Variants in FMN1 observed in about 807,000 individuals in gnomAD.
FMN1 encodes the protein formin-1.
Under a neutral mutation model 132.4 loss-of-function variants are expected in FMN1, and 110 were observed. That is an observed-to-expected ratio of 0.83 (90% confidence interval 0.71 to 0.97). The LOEUF is 0.97. Among genes scored for constraint, FMN1 ranks in the 50% least tolerant of loss-of-function variants. The pLI is 0.00. For synonymous variants in FMN1, 722 were observed against 651.7 expected, an observed-to-expected ratio of 1.11 and a Z score of -1.64; for missense variants, 1,792 against 1,705.3, an observed-to-expected ratio of 1.05 and a Z score of -0.90.
intron 2 of FMN1, among the ~76,000 whole-genome samples, chr15:33,186,990 A>G (rs139173162): frequency 2.4e-3 from 363 of 152,184 alleles, no homozygotes; most frequent in African/African-American, 8.4e-3. Flanking sequence ...AGATTTCCAG[A>G]TCCCTGGTTT....
intron 5 of FMN1, among the ~76,000 whole-genome samples, chr15:33,088,499 C>G (rs2038786277): frequency 6.6e-6 from 1 of 152,176 alleles, no homozygotes; most frequent in Non-Finnish European, 1.5e-5. Flanking sequence ...TGACTAGCAA[C>G]CAGTGGGTAC....
intron 3 of FMN1, among the ~76,000 whole-genome samples, chr15:33,170,515 AAACATACAG>A (rs1459701015): frequency 6.6e-6 from 1 of 152,016 alleles, no homozygotes; most frequent in Non-Finnish European, 1.5e-5. Context: ...GACAAGAAAC[AAACATACAG>A]AATATACAGG....
At chr15:32,957,333 C>T (rs2029916359) in intron 9 of FMN1, among the ~76,000 whole-genome samples, 1 of 97,928 alleles carries the variant, frequency 1.0e-5, no homozygotes, top group Non-Finnish European at 2.0e-5. Context: ...TTTACAGGAA[C>T]CAGGAGAAAG....
At chr15:33,121,923 T>C (rs1391253591) in intron 4 of FMN1, among the ~76,000 whole-genome samples, 2 of 152,222 alleles carry the variant, frequency 1.3e-5, no homozygotes, top group Admixed American at 6.5e-5. Context: ...AATCTAGAAC[T>C]TAATTAGGTC....
intron 3 of FMN1, among the ~76,000 whole-genome samples, chr15:33,175,228 T>C (rs1401280942): frequency 2.0e-5 from 3 of 152,068 alleles, no homozygotes; most frequent in Admixed American, 6.6e-5. Flanking sequence ...TGTTTTTGTT[T>C]GTTTGTTTTT....
chr15:32,946,699 A>C lies in FMN1; in HGVS notation c.3138+17408T>G, dbSNP rs542962478. ...AGCCCTTTAAGTTTTAAAACAGAAA[A>C]TGTGAAGTTGGAGGACTGGTAAATT... On this transcript the variant is annotated intron_variant, in intron 9 of 20. Transcript: ENST00000616417. 6.6e-5 allele frequency among the ~76,000 whole-genome samples: 10 copies of C among 152,312 alleles called. 1 individual carries two copies. In the South Asian group the frequency reaches 8.3e-4, roughly 13 times the overall value.
At chr15:32,889,854 A>T (rs1478980092) in intron 15 of FMN1, among the ~76,000 whole-genome samples, 1 of 152,100 alleles carries the variant, frequency 6.6e-6, no homozygotes, top group African/African-American at 2.4e-5. Context: ...GATTTGTGAA[A>T]TTTTGGTTCC....
At chr15:33,023,842 AT>A (rs1596494015) in intron 6 of FMN1, among the ~76,000 whole-genome samples, 4 of 152,160 alleles carry the variant, frequency 2.6e-5, no homozygotes, top group Admixed American at 1.3e-4. Context: ...GGGATAGACT[AT>A]TTTTTTAAAG....
chr15:33,104,825 C>A (rs1479099635), intron 4 of FMN1, among the ~76,000 whole-genome samples: 1 of 152,092 alleles, frequency 6.6e-6, no homozygotes, highest in Non-Finnish European at 1.5e-5. Context: ...ACACTACTTG[C>A]TTTGCAGAAA....
At chr15:32,864,078 G>A (rs1354291443) in intron 16 of FMN1, among the ~76,000 whole-genome samples, 1 of 152,204 alleles carries the variant, frequency 6.6e-6, no homozygotes, top group African/African-American at 2.4e-5. Flanking sequence ...TGGCACAAAT[G>A]AGAAGGTACT....
chr15:32,807,996 C>T (rs760870128), intron 17 of FMN1, among the ~76,000 whole-genome samples: 9 of 152,144 alleles, frequency 5.9e-5, no homozygotes, highest in Non-Finnish European at 1.3e-4. Flanking sequence ...AAGCAAAACA[C>T]AAATACATGA....
intron 18 of FMN1, among the ~76,000 whole-genome samples, chr15:32,801,035 T>C (rs910583728): frequency 2.0e-5 from 3 of 152,250 alleles, no homozygotes; most frequent in African/African-American, 7.2e-5. Context: ...CAGCAAAATA[T>C]AGTGAAGTCC....
chr15:32,782,510 T>G (rs2056697644), intron 19 of FMN1, among the ~76,000 whole-genome samples: 1 of 152,228 alleles, frequency 6.6e-6, no homozygotes, highest in African/African-American at 2.4e-5. Flanking sequence ...ACGTGTCATC[T>G]TATGTATAGA....
intron 17 of FMN1, among the ~76,000 whole-genome samples, chr15:32,838,472 C>G (rs999469640): frequency 1.7e-4 from 2 of 11,732 alleles, no homozygotes; most frequent in African/African-American, 1.9e-4. Flanking sequence ...ACATAGCAGG[C>G]GCAGTGAATG....
chr15:33,178,631 C>A (rs1965595832), intron 3 of FMN1, among the ~76,000 whole-genome samples: 1 of 152,208 alleles, frequency 6.6e-6, no homozygotes, highest in Non-Finnish European at 1.5e-5. Context: ...CCAGCTCTTC[C>A]ACTTAGCACA....
rs574553195 is a variant in FMN1 at position 32,980,790 on chromosome 15, C to T, written c.2224-11313G>A. 1.1e-3 allele frequency among the ~76,000 whole-genome samples: 164 copies of T among 152,038 alleles called. 1 individual carries two copies. Among genetic ancestry groups the T allele is most frequent in the African/African-American group, 3.7e-3 (155 of 41,484 alleles). On this transcript the variant is annotated intron_variant, in intron 7 of 20. Transcript: ENST00000616417. ...ATACACTTTGGGAGGCCAAGGAAGG[C>T]GGATCTGAGGTTAGGAGTTCAAGAT...
chr15:32,980,059 A>T (rs550457927), intron 7 of FMN1, among the ~76,000 whole-genome samples: 1 of 151,248 alleles, frequency 6.6e-6, no homozygotes, highest in Non-Finnish European at 1.5e-5. Context: ...AGGGCAAACA[A>T]ACAAAGAGGG....
chr15:32,890,019 G>C (rs1274933674), intron 15 of FMN1, among the ~76,000 whole-genome samples: 1 of 152,124 alleles, frequency 6.6e-6, no homozygotes, highest in African/African-American at 2.4e-5. Context: ...GAGAACATAC[G>C]ATGTTTGGTT....
intron 2 of FMN1, among the ~76,000 whole-genome samples, chr15:33,185,676 G>A (rs1010131223): frequency 2.0e-5 from 3 of 148,248 alleles, no homozygotes; most frequent in African/African-American, 5.1e-5. Flanking sequence ...AGGTTCAAGC[G>A]ATTCTCCTGC....
Sources: allele counts gnomAD v4.1 joint callset (sites outside exome capture counted in the v4.1 genomes callset), GRCh38; gene constraint gnomAD v4.1.1; transcripts MANE v1.5; gene names NCBI Gene and HGNC (gene_info 2026-07-23, HGNC 2026-07-21).